Variants in LOXHD1 observed in about 807,000 individuals in gnomAD.
LOXHD1 encodes the protein lipoxygenase homology domain-containing protein 1.
Under a neutral mutation model 248.2 loss-of-function variants are expected in LOXHD1, and 205 were observed. The observed-to-expected ratio is 0.83, with a 90% CI of 0.74 to 0.93. The LOEUF (loss-of-function observed/expected upper bound fraction) is 0.93. Among genes scored for constraint, LOXHD1 ranks in the 40% least tolerant of loss-of-function variants. LOXHD1 has a pLI of 0.00. For synonymous variants in LOXHD1, 1,113 were observed against 1,162.8 expected (o/e 0.96, Z 0.87); for missense variants, 2,930 against 2,971.6 (o/e 0.99, Z 0.33).
rs2034496663 is a variant in LOXHD1 at position 46,505,394 on chromosome 18, C to T, written c.5878+444G>A. Among the ~76,000 whole-genome samples, 3 of 152,156 alleles carry T rather than the reference C, an allele frequency of 2.0e-5. No homozygotes were observed. The South Asian group carries it at 6.2e-4, about 32-fold the overall frequency. On this transcript the variant is annotated intron_variant, in intron 37 of 40. Coordinates refer to ENST00000642948, the MANE Select transcript of LOXHD1 (RefSeq NM_001384474.1). ...ATGGGATCTCACAATGTTGTTTAGGCTGGTCTTGAACTCCTGGGGCTCAAG... is the reference window on the plus strand; with the variant it reads ...ATGGGATCTCACAATGTTGTTTAGGTTGGTCTTGAACTCCTGGGGCTCAAG...
intron 21 of LOXHD1, among the ~76,000 whole-genome samples, chr18:46,556,251 A>G (rs2037325692): frequency 6.6e-6 from 1 of 152,104 alleles, no homozygotes; most frequent in Admixed American, 6.5e-5. Flanking sequence ...TCTGGTCTTT[A>G]CACAAAATGT....
At chr18:46,588,065 C>T (rs1269448297) in intron 12 of LOXHD1, among the ~76,000 whole-genome samples, 2 of 152,066 alleles carry the variant, frequency 1.3e-5, no homozygotes, top group Non-Finnish European at 2.9e-5. Flanking sequence ...ATTTCCAGGA[C>T]GTCTTTACAC....
chr18:46,578,314 G>A (rs1057167554), intron 13 of LOXHD1, among the ~76,000 whole-genome samples: 1 of 152,224 alleles, frequency 6.6e-6, no homozygotes, highest in African/African-American at 2.4e-5. Context: ...AGGGGCAACA[G>A]AGTTTCCAAG....
intron 16 of LOXHD1, among the ~76,000 whole-genome samples, chr18:46,567,319 A>C (rs2037662576): frequency 6.6e-6 from 1 of 152,220 alleles, no homozygotes; most frequent in Non-Finnish European, 1.5e-5. Flanking sequence ...AGATTTAGAA[A>C]ACTGTCCATG....
At chr18:46,554,805 T>C (rs2037252506) in intron 21 of LOXHD1, among the ~76,000 whole-genome samples, 1 of 152,210 alleles carries the variant, frequency 6.6e-6, no homozygotes, top group Middle Eastern at 3.2e-3. Context: ...GTAGCAGTTA[T>C]GTGTAGGAAA....
chr18:46,618,996 G>A (rs1428656009), intron 4 of LOXHD1, among the ~76,000 whole-genome samples: 1 of 152,110 alleles, frequency 6.6e-6, no homozygotes, highest in Non-Finnish European at 1.5e-5. Flanking sequence ...TGGCCTTGAT[G>A]GGAGACGAAG....
At chr18:46,615,540 C>A (rs541847684) in intron 5 of LOXHD1, among the ~76,000 whole-genome samples, 22 of 152,188 alleles carry the variant, frequency 1.4e-4, no homozygotes, top group African/African-American at 5.3e-4. Context: ...GTGGACATTT[C>A]TTCTAATTTT....
chr18:46,558,890 C>T (rs1273686042), intron 20 of LOXHD1, among the ~76,000 whole-genome samples: 1 of 152,084 alleles, frequency 6.6e-6, no homozygotes, highest in Non-Finnish European at 1.5e-5. Flanking sequence ...CCCACCCACC[C>T]CACACCCTAA....
chr18:46,561,169 C>A (rs2037523074), intron 18 of LOXHD1, among the ~76,000 whole-genome samples: 1 of 152,228 alleles, frequency 6.6e-6, no homozygotes, highest in African/African-American at 2.4e-5. Context: ...AGCCTGACTG[C>A]CCCTTCCCCA....
intron 34 of LOXHD1, 90 bp downstream of exon 34, chr18:46,518,039 T>C: frequency 4.1e-6 from 6 of 1,472,844 alleles, no homozygotes. Context: ...GCAGCGGGCA[T>C]GTGAGAATCA....
At chr18:46,648,428 TTC>T (rs2039060992) in intron 2 of LOXHD1, among the ~76,000 whole-genome samples, 1 of 152,198 alleles carries the variant, frequency 6.6e-6, no homozygotes, top group South Asian at 2.1e-4. Flanking sequence ...TTTCAAATGT[TTC>T]ATGGACTCAG....
chr18:46,489,111 G>A lies in LOXHD1; in HGVS notation c.5910C>T (p.Val1970=), dbSNP rs777312850. The A allele has an allele frequency of 6.8e-5, 106 of 1,551,514 alleles. No homozygotes were observed. The highest frequency in any genetic ancestry group is 8.6e-5 in the Non-Finnish European group (99 of 1,146,998). ...CGTCGCGGGAGTTGTCCTTCACATC[G>A]ACATAGCTCAGATGCCAGCCAGGAA... ...GIFPGWHLSY[V]DVKDNSRDET... Residue 1970 remains valine, a synonymous_variant, in exon 38 of 41, where the codon GTC becomes GTT. Coordinates refer to ENST00000642948, the MANE Select transcript of LOXHD1 (RefSeq NM_001384474.1).
chr18:46,608,053 G>GAAAC lies in LOXHD1; in HGVS notation c.759+2722_759+2723insGTTT, dbSNP rs1276166341. On this transcript the variant is annotated intron_variant, in intron 6 of 40. Coordinates refer to ENST00000642948, the MANE Select transcript of LOXHD1 (RefSeq NM_001384474.1). ...GGAAGGAGGGAAGGAAGGAAGGAAG[G>GAAAC]AAGGAAGGAAGGAAGGAAAGAAGGA... 4.8e-3 allele frequency among the ~76,000 whole-genome samples: 700 copies of GAAAC among 144,344 alleles called. 3 individuals are homozygous for GAAAC. Among genetic ancestry groups the GAAAC allele is most frequent in the African/African-American group, 0.017 (616 of 37,276 alleles). 94.7% of individuals were successfully genotyped at this position (144,344 alleles called of 152,430 possible).
intron 37 of LOXHD1, among the ~76,000 whole-genome samples, chr18:46,497,201 C>T (rs1229558285): frequency 6.6e-6 from 1 of 152,034 alleles, no homozygotes; most frequent in Non-Finnish European, 1.5e-5. Flanking sequence ...ATTATGGGTC[C>T]AAGGCAATCA....
intron 8 of LOXHD1, among the ~76,000 whole-genome samples, chr18:46,597,234 G>A (rs984252565): frequency 6.6e-6 from 1 of 152,054 alleles, no homozygotes; most frequent in Non-Finnish European, 1.5e-5. Flanking sequence ...TATTAAGTAT[G>A]TACAGTAAAA....
At chr18:46,564,723 T>C (rs1204213947) in intron 17 of LOXHD1, among the ~76,000 whole-genome samples, 1 of 152,214 alleles carries the variant, frequency 6.6e-6, no homozygotes, top group Non-Finnish European at 1.5e-5. Context: ...ACTACTCTGA[T>C]GGAATTCCAG....
At chr18:46,538,520 C>T (rs1410576605) in intron 25 of LOXHD1, among the ~76,000 whole-genome samples, 183 bp from the exon 26 acceptor site, 13 of 152,144 alleles carry the variant, frequency 8.5e-5, no homozygotes, top group Non-Finnish European at 1.6e-4. Context: ...CAGGTGGGGT[C>T]CTGTCCTGCC....
At chr18:46,616,104 T>C (rs563355375) in intron 5 of LOXHD1, among the ~76,000 whole-genome samples, 17 of 152,332 alleles carry the variant, frequency 1.1e-4, no homozygotes, top group African/African-American at 4.1e-4. Context: ...GCTGGATTTT[T>C]GAATTTTCAT....
At chr18:46,555,153 G>C (rs2037270101) in intron 21 of LOXHD1, 2 of 471,118 alleles carry the variant, frequency 4.2e-6, no homozygotes, top group Non-Finnish European at 8.8e-6. Context: ...GGAAGCTGGG[G>C]ATGTTCACAG....
Sources: allele counts gnomAD v4.1 joint callset (sites outside exome capture counted in the v4.1 genomes callset), GRCh38; gene constraint gnomAD v4.1.1; transcripts MANE v1.5; gene names NCBI Gene and HGNC (gene_info 2026-07-23, HGNC 2026-07-21).